VPS33A: variants seen among roughly 807,000 people sequenced by gnomAD.
VPS33A encodes the protein VPS33A core subunit of CORVET and HOPS complexes, also known as vacuolar protein sorting-associated protein 33A.
A neutral mutation model predicts 71.8 loss-of-function variants in VPS33A; 32 were observed. The observed-to-expected ratio is 0.45, with a 90% CI of 0.34 to 0.60. The LOEUF (loss-of-function observed/expected upper bound fraction) is 0.60, where lower values mean the gene tolerates loss of function less well. VPS33A is among the 20% of genes least tolerant of loss of function. VPS33A has a pLI of 0.02. For synonymous variants in VPS33A, 311 were observed against 292.7 expected (o/e 1.06, Z -0.64); for missense variants, 625 against 748.5 (o/e 0.84, Z 1.92).
At chr12:122,241,382 T>C (rs1269302570) in intron 8 of VPS33A, among the ~76,000 whole-genome samples, 1 of 152,016 alleles carries the variant, frequency 6.6e-6, no homozygotes, top group Non-Finnish European at 1.5e-5. Context: ...CTTGGCTCAC[T>C]GCAACCTCTG....
intron 8 of VPS33A, among the ~76,000 whole-genome samples, chr12:122,240,810 A>G (rs1954703703): frequency 6.6e-6 from 1 of 152,196 alleles, no homozygotes; most frequent in African/African-American, 2.4e-5. Flanking sequence ...TATTCAAGGG[A>G]AGAACATGCG....
rs1344018321 is a variant in VPS33A, at chr12:122,266,462, G to C, written c.-54C>G. The C allele has an allele frequency of 6.3e-6, 10 of 1,580,654 alleles. No individual in the cohort carries two copies. In the Admixed American group the frequency reaches 1.0e-4, roughly 16 times the overall value. On this transcript the variant is annotated 5_prime_UTR_variant, in exon 1 of 13. Transcript: ENST00000267199. ...GCCAACCGAGTCCGCCGGTTCCTAC[G>C]GGAGGACCACGGACGCAGTCACGTG...
At chr12:122,233,853 G>A (rs929661227) in intron 11 of VPS33A, among the ~76,000 whole-genome samples, 10 of 152,010 alleles carry the variant, frequency 6.6e-5, no homozygotes, top group African/African-American at 2.2e-4. Flanking sequence ...GTGGTGGGTG[G>A]GTCCAGAGTC....
rs1955073923 is a variant in VPS33A, at chr12:122,266,444, G to A, written c.-36C>T. On this transcript the variant is annotated 5_prime_UTR_variant, in exon 1 of 13. Coordinates refer to ENST00000267199, the MANE Select transcript of VPS33A (RefSeq NM_022916.6). Reference sequence around the variant, plus strand: ...CACCCCCTGCCCCACAACGCCAACCGAGTCCGCCGGTTCCTACGGGAGGAC... The same window carrying A: ...CACCCCCTGCCCCACAACGCCAACCAAGTCCGCCGGTTCCTACGGGAGGAC... 1.9e-6 allele frequency: 3 copies of A among 1,591,068 alleles called. No individual in the cohort carries two copies. Among genetic ancestry groups the A allele is most frequent in the East Asian group, 2.3e-5 (1 of 43,830 alleles).
At chr12:122,260,021 CAA>C (rs1296931666) in intron 4 of VPS33A, among the ~76,000 whole-genome samples, 1 of 151,800 alleles carries the variant, frequency 6.6e-6, no homozygotes, top group Non-Finnish European at 1.5e-5. Flanking sequence ...CCAACCTGGG[CAA>C]AAGAGTGAGA....
At chr12:122,247,459 T>G (rs1430676977) in intron 6 of VPS33A, among the ~76,000 whole-genome samples, 1 of 152,178 alleles carries the variant, frequency 6.6e-6, no homozygotes, top group African/African-American at 2.4e-5. Context: ...AATAAATTCC[T>G]CTGTCAATAA....
chr12:122,260,077 G>A (rs1332061293), intron 4 of VPS33A, among the ~76,000 whole-genome samples: 1 of 151,906 alleles, frequency 6.6e-6, no homozygotes, highest in Non-Finnish European at 1.5e-5. Context: ...CAGAATAAGC[G>A]AATTCATACA....
At chr12:122,244,471 G>A in intron 7 of VPS33A, 98 bp downstream of exon 7, 1 of 1,099,378 alleles carries the variant, frequency 9.1e-7, no homozygotes, top group Non-Finnish European at 1.3e-6. Context: ...TTGAAGCCTG[G>A]TTTAATGGCT....
Position 122,231,565 on chromosome 12 carries a change from C to T in VPS33A, c.*681G>A, listed in dbSNP as rs1954560592. 6.6e-6 allele frequency: 1 copy of T among 152,170 alleles called. No individual in the cohort carries two copies. Among genetic ancestry groups the T allele is most frequent in the African/African-American group, 2.4e-5 (1 of 41,434 alleles). The allele number at this position is 152,170 out of a possible 1,614,324, so 9.4% of individuals were successfully genotyped here. On this transcript the variant is annotated 3_prime_UTR_variant, in exon 13 of 13. Coordinates refer to ENST00000267199, the MANE Select transcript of VPS33A (RefSeq NM_022916.6). Reference sequence around the variant, plus strand: ...CTGGGGATTAGAGGATGAACTTTCTCTTTTTATTTTCAGTTTCACCTCCTC... The same window carrying T: ...CTGGGGATTAGAGGATGAACTTTCTTTTTTTATTTTCAGTTTCACCTCCTC...
At chr12:122,252,385 C>T (rs1954857091) in intron 4 of VPS33A, among the ~76,000 whole-genome samples, 1 of 152,072 alleles carries the variant, frequency 6.6e-6, no homozygotes, top group South Asian at 2.1e-4. Flanking sequence ...TCTCCTGCCT[C>T]AGCCTCCCAA....
chr12:122,236,015 T>C, intron 10 of VPS33A, 92 bp from the exon 11 acceptor site: 1 of 1,498,570 alleles, frequency 6.7e-7, no homozygotes, highest in South Asian at 1.3e-5. Flanking sequence ...TCAATTTGGT[T>C]TGTACTGCAG....
In VPS33A at chr12:122,266,411, T is replaced by C. The variant is rs373826644; in HGVS notation, c.-3A>G. 91 of 1,609,150 alleles carry C rather than the reference T, an allele frequency of 5.7e-5. No individual in the cohort carries two copies. The highest frequency in any genetic ancestry group is 7.1e-5 in the Non-Finnish European group (84 of 1,176,822). On this transcript the variant is annotated 5_prime_UTR_variant, in exon 1 of 13. Coordinates refer to ENST00000267199, the MANE Select transcript of VPS33A (RefSeq NM_022916.6). ...CCGTAGGACAGATGAGCCGCCATCT[T>C]GCTCCACCACCCCCTGCCCCACAAC...
intron 4 of VPS33A, among the ~76,000 whole-genome samples, chr12:122,258,348 TAA>T (rs1163428917): frequency 6.6e-6 from 1 of 151,986 alleles, no homozygotes; most frequent in Non-Finnish European, 1.5e-5. Context: ...AAAAACTGGA[TAA>T]AAGAGACTTC....
intron 2 of VPS33A, 102 bp downstream of exon 2, chr12:122,264,032 A>C (rs1592934913): frequency 9.3e-7 from 1 of 1,070,322 alleles, no homozygotes; most frequent in East Asian, 2.5e-5. Context: ...AAGACCAAAC[A>C]GCTTTGCAAA....
At chr12:122,245,547 G>A (rs1193285007) in intron 6 of VPS33A, among the ~76,000 whole-genome samples, 1 of 150,852 alleles carries the variant, frequency 6.6e-6, no homozygotes, top group African/African-American at 2.4e-5. Context: ...GGGTTCAAAT[G>A]ATTCTCCTGC....
chr12:122,238,620 T>C lies in VPS33A; in HGVS notation c.1269A>G (p.Lys423=), dbSNP rs1179330980. 6.2e-7 allele frequency: 1 copy of C among 1,611,976 alleles called. No individual in the cohort carries two copies. The highest frequency in any genetic ancestry group is 2.2e-5 in the East Asian group (1 of 44,882). ...TCTCTCTTTTGTAATAATCCAAAAC[T>C]TTTTGTTTGAGCCCACTATTACACA... is the stretch of plus-strand genomic sequence containing the variant. ...QSVCNSGLKQ[K]VLDYYKREIL... The change falls in exon 10 of 13, where the codon AAA becomes AAG. Residue 423 remains lysine, a synonymous_variant. Coordinates refer to ENST00000267199, the MANE Select transcript of VPS33A (RefSeq NM_022916.6).
Position 122,244,774 on chromosome 12 carries a change from T to C in VPS33A, c.776-12A>G, listed in dbSNP as rs778490097. On this transcript the variant is annotated splice_polypyrimidine_tract_variant and intron_variant, in intron 6 of 12. Transcript: ENST00000267199. ...TAATTTCACATAACCTGAGCAGCAG[T>C]GGAAGGGAATAAGCACCTGTGTGCA... is the stretch of plus-strand genomic sequence containing the variant. The C allele has an allele frequency of 4.4e-6, 7 of 1,605,282 alleles. No individual in the cohort carries two copies. The highest frequency in any genetic ancestry group is 3.3e-5 in the Admixed American group (2 of 59,730).
intron 8 of VPS33A, among the ~76,000 whole-genome samples, chr12:122,241,495 G>T (rs945090785): frequency 6.6e-6 from 1 of 151,944 alleles, no homozygotes; most frequent in Non-Finnish European, 1.5e-5. Context: ...AGTACAGATG[G>T]TGTTCCACTA....
chr12:122,263,666 C>T lies in VPS33A; in HGVS notation c.202G>A (p.Gly68Arg), dbSNP rs903644181. 3.1e-5 allele frequency: 50 copies of T among 1,612,268 alleles called. No homozygotes were observed. The highest frequency in any genetic ancestry group is 4.2e-5 in the Non-Finnish European group (49 of 1,178,792). ...HEVEKMFTLK[G>R]NRLPAADVKN... ...ACATCAGCTGCCGGCAAACGATTTC[C>T]TTTAAGTGTGAACATTTTTTCCACT... The change falls in exon 3 of 13, where the codon GGA becomes AGA. Residue 68 changes from glycine (G) to arginine (R), a missense_variant. By Grantham distance (125) the Gly-to-Arg change is moderately radical. Coordinates refer to ENST00000267199, the MANE Select transcript of VPS33A (RefSeq NM_022916.6).
Sources: gnomAD v4.1 joint callset for allele counts (sites outside exome capture counted in the v4.1 genomes callset) on GRCh38, gnomAD v4.1.1 for gene constraint, MANE v1.5 for transcripts, NCBI Gene and HGNC (gene_info 2026-07-23, HGNC 2026-07-21) for gene names.